The following PREX1 variants were observed in gnomAD, a reference collection of about 807,000 sequenced individuals.
PREX1 encodes the protein phosphatidylinositol-3,4,5-trisphosphate dependent Rac exchange factor 1, also known as phosphatidylinositol 3,4,5-trisphosphate-dependent Rac exchanger 1 protein.
A neutral mutation model predicts 198.3 loss-of-function variants in PREX1; 41 were observed. The ratio of observed to expected loss-of-function variants is 0.21; its 90% confidence interval spans 0.16 to 0.27. The LOEUF (loss-of-function observed/expected upper bound fraction) is 0.27, where lower values mean the gene tolerates loss of function less well. Among genes scored for constraint, PREX1 ranks in the 10% least tolerant of loss-of-function variants. The pLI, the probability that PREX1 is intolerant of heterozygous loss-of-function variation, is 1.00. For missense variants in PREX1, 1,620 were observed against 2,200.7 expected (o/e 0.74, Z 5.28); for synonymous variants, 843 against 887.2 (o/e 0.95, Z 0.89).
chr20:48,632,868 A>G (rs1339357480), intron 33 of PREX1, among the ~76,000 whole-genome samples: 1 of 152,182 alleles, frequency 6.6e-6, no homozygotes, highest in East Asian at 1.9e-4. Context: ...GAAGAACTGC[A>G]GCTGACACCT....
At chr20:48,647,406 A>G (rs2089459610) in intron 25 of PREX1, among the ~76,000 whole-genome samples, 1 of 151,418 alleles carries the variant, frequency 6.6e-6, no homozygotes, top group Admixed American at 6.6e-5. Context: ...CTATAGTCCC[A>G]GCTACTTGGG....
chr20:48,810,154 CTT>C (rs974187061), intron 1 of PREX1, among the ~76,000 whole-genome samples: 15 of 152,194 alleles, frequency 9.9e-5, no homozygotes, highest in Non-Finnish European at 1.9e-4. Context: ...CAGGAATACT[CTT>C]CTCTTCCAAA....
At position 48,655,287 on chromosome 20, in the gene PREX1, C is replaced by T; in HGVS notation, c.2209+3G>A. On this transcript the variant is annotated splice_donor_region_variant and intron_variant, in intron 19 of 39. Coordinates refer to ENST00000371941, the MANE Select transcript of PREX1 (RefSeq NM_020820.4). ...TCCCCTCTCTCCCAAGGCTCCCACTCACCTCTCCCCACAGCATAGACGTAC... is the reference window on the plus strand; with the variant it reads ...TCCCCTCTCTCCCAAGGCTCCCACTTACCTCTCCCCACAGCATAGACGTAC... The T allele has an allele frequency of 1.3e-6, 2 of 1,562,986 alleles. No homozygotes were observed. The highest frequency in any genetic ancestry group is 1.8e-6 in the Non-Finnish European group (2 of 1,138,284).
At chr20:48,723,422 G>C (rs1052819119) in intron 5 of PREX1, among the ~76,000 whole-genome samples, 1 of 152,232 alleles carries the variant, frequency 6.6e-6, no homozygotes, top group African/African-American at 2.4e-5. Flanking sequence ...GGTGTTTGCT[G>C]ATGCAAATGT....
intron 1 of PREX1, among the ~76,000 whole-genome samples, chr20:48,811,798 A>G (rs1443750836): frequency 6.6e-6 from 1 of 152,202 alleles, no homozygotes; most frequent in Non-Finnish European, 1.5e-5. Context: ...GAGACAAGGG[A>G]ATCCCCTAGG....
At chr20:48,656,627 C>A (rs1334739205) in intron 18 of PREX1, 7 of 445,680 alleles carry the variant, frequency 1.6e-5, no homozygotes, top group African/African-American at 1.0e-4. Flanking sequence ...GGGTCTTCAC[C>A]CCGACTCGCA....
chr20:48,810,976 T>C (rs114941985), intron 1 of PREX1, among the ~76,000 whole-genome samples: 1,775 of 152,156 alleles, frequency 0.012, 28 homozygotes, highest in African/African-American at 0.041. Context: ...GTTAGGAACA[T>C]GTTATGGAGG....
chr20:48,804,091 C>T (rs575971619), intron 1 of PREX1, among the ~76,000 whole-genome samples: 27 of 152,310 alleles, frequency 1.8e-4, no homozygotes, highest in African/African-American at 5.3e-4. Flanking sequence ...GCGTTTCTGA[C>T]GCCCAGAAGA....
chr20:48,660,205 G>A lies in PREX1; in HGVS notation c.1739-144C>T. ...CTATTCTATTAAAATGGAATCATAT[G>A]CCAACACTAACATATTAGGATATTT... is the stretch of plus-strand genomic sequence containing the variant. On this transcript the variant is annotated intron_variant, in intron 15 of 39. Coordinates refer to ENST00000371941, the MANE Select transcript of PREX1 (RefSeq NM_020820.4). 9.1e-6 allele frequency: 9 copies of A among 985,486 alleles called. No individual in the cohort carries two copies. In the South Asian group the frequency reaches 1.4e-4, roughly 15 times the overall value. 61.0% of individuals were successfully genotyped at this position (985,486 alleles called of 1,614,324 possible).
At chr20:48,748,524 T>G (rs1014353044) in intron 1 of PREX1, among the ~76,000 whole-genome samples, 1 of 152,100 alleles carries the variant, frequency 6.6e-6, no homozygotes, top group Admixed American at 6.6e-5. Context: ...CAACGTATAC[T>G]GGATGACCCG....
intron 16 of PREX1, among the ~76,000 whole-genome samples, chr20:48,659,107 T>C (rs531390617): frequency 1.6e-3 from 233 of 148,344 alleles, no homozygotes; most frequent in African/African-American, 3.9e-3. Context: ...CGCAGGTCTG[T>C]TGTCCTAGCC....
chr20:48,777,846 T>C (rs890058896), intron 1 of PREX1, among the ~76,000 whole-genome samples: 4 of 152,114 alleles, frequency 2.6e-5, no homozygotes, highest in Non-Finnish European at 4.4e-5. Context: ...GTTGCTATCA[T>C]CATCATCAGC....
At chr20:48,864,716 T>C in the PREX1 span, among the ~76,000 whole-genome samples, 1 of 152,210 alleles carries the variant, frequency 6.6e-6, no homozygotes, top group Non-Finnish European at 1.5e-5. Flanking sequence ...AGCTGAACCC[T>C]GACCTTCACC....
intron 29 of PREX1, among the ~76,000 whole-genome samples, chr20:48,640,712 T>C (rs748932945): frequency 1.3e-5 from 2 of 152,156 alleles, no homozygotes; most frequent in Non-Finnish European, 2.9e-5. Flanking sequence ...ACAAGCTGGT[T>C]CTGGGAAATT....
chr20:48,661,468 T>TATATACAC (rs1373152651), intron 15 of PREX1, among the ~76,000 whole-genome samples: 78 of 76,774 alleles, frequency 1.0e-3, no homozygotes, highest in African/African-American at 6.9e-3. Flanking sequence ...TATATATATA[T>TATATACAC]ACACACACAT....
At chr20:48,650,283 T>A in intron 23 of PREX1, 77 bp from the exon 24 acceptor site, 1 of 1,419,460 alleles carries the variant, frequency 7.0e-7, no homozygotes, top group African/African-American at 1.4e-5. Flanking sequence ...AGTACCCACT[T>A]TATCCTGGCC....
intron 8 of PREX1, 32 bp downstream of exon 8, chr20:48,692,640 C>T: frequency 6.4e-7 from 1 of 1,563,592 alleles, no homozygotes; most frequent in Non-Finnish European, 8.8e-7. Context: ...AGGGCTCAGG[C>T]AGGGCTCAGG....
chr20:48,843,416 C>T, the PREX1 span, among the ~76,000 whole-genome samples: 1 of 152,108 alleles, frequency 6.6e-6, no homozygotes, highest in South Asian at 2.1e-4. Context: ...GGAATGGTCC[C>T]CACAAGGTTA....
chr20:48,866,674 C>A, the PREX1 span, among the ~76,000 whole-genome samples: 1 of 152,154 alleles, frequency 6.6e-6, no homozygotes, highest in Admixed American at 6.5e-5. Context: ...CACCTGTAAT[C>A]CTAGCACTTT....
Sources: allele counts gnomAD v4.1 joint callset (sites outside exome capture counted in the v4.1 genomes callset), GRCh38; gene constraint gnomAD v4.1.1; transcripts MANE v1.5; gene names NCBI Gene and HGNC (gene_info 2026-07-23, HGNC 2026-07-21).